MARCHF1: variants seen among roughly 807,000 people sequenced by gnomAD.
MARCHF1 encodes membrane associated ring-CH-type finger 1, also known as E3 ubiquitin-protein ligase MARCHF1.
Under a neutral mutation model 54.2 loss-of-function variants are expected in MARCHF1, and 40 were observed. That is an observed-to-expected ratio of 0.74 (90% CI 0.57 to 0.96). The LOEUF (loss-of-function observed/expected upper bound fraction) is 0.96, where lower values mean the gene tolerates loss of function less well. MARCHF1 is among the 40% of genes least tolerant of loss of function. MARCHF1 has a pLI of 0.00. For synonymous variants in MARCHF1, 236 were observed against 236.3 expected, an observed-to-expected ratio of 1.00 and a Z score of 0.01; for missense variants, 586 against 656.5, an observed-to-expected ratio of 0.89 and a Z score of 1.17.
chr4:164,079,808 T>C (rs1200064501), intron 2 of MARCHF1, among the ~76,000 whole-genome samples: 2 of 152,154 alleles, frequency 1.3e-5, no homozygotes, highest in Non-Finnish European at 2.9e-5. Flanking sequence ...CTAAAAGACG[T>C]AGTTATTTGC....
intron 8 of MARCHF1, among the ~76,000 whole-genome samples, chr4:163,559,096 C>A (rs1739387231): frequency 6.6e-6 from 1 of 152,168 alleles, no homozygotes; most frequent in Non-Finnish European, 1.5e-5. Context: ...CTATAGCCCC[C>A]TTCCCTTCAG....
intron 9 of MARCHF1, among the ~76,000 whole-genome samples, chr4:163,539,715 A>G (rs1738664105): frequency 6.6e-6 from 1 of 152,224 alleles, no homozygotes; most frequent in African/African-American, 2.4e-5. Flanking sequence ...TCTTGCAGTT[A>G]CAATTCCCTT....
chr4:163,633,554 TA>T (rs1184692019), intron 5 of MARCHF1, among the ~76,000 whole-genome samples: 4 of 151,872 alleles, frequency 2.6e-5, no homozygotes, highest in African/African-American at 9.7e-5. Flanking sequence ...GAAAAAAGAA[TA>T]AAAAGAAATG....
chr4:164,334,850 T>C (rs1391984029), intron 1 of MARCHF1, among the ~76,000 whole-genome samples: 2 of 152,212 alleles, frequency 1.3e-5, no homozygotes, highest in Non-Finnish European at 2.9e-5. Context: ...AATATCAACA[T>C]TAACAGGAGT....
chr4:163,727,219 T>C (rs1012493185), intron 4 of MARCHF1, among the ~76,000 whole-genome samples: 10 of 152,216 alleles, frequency 6.6e-5, no homozygotes, highest in Non-Finnish European at 1.0e-4. Context: ...AAAATAATTT[T>C]ATGGTTTTGT....
chr4:163,715,651 A>G (rs1745233798), intron 4 of MARCHF1, among the ~76,000 whole-genome samples: 1 of 152,168 alleles, frequency 6.6e-6, no homozygotes, highest in Non-Finnish European at 1.5e-5. Flanking sequence ...GAGATCCAAT[A>G]TATGTACATA....
chr4:164,175,796 C>T (rs2110991564), intron 1 of MARCHF1, among the ~76,000 whole-genome samples: 1 of 152,298 alleles, frequency 6.6e-6, no homozygotes, highest in East Asian at 1.9e-4. Flanking sequence ...GCTTCTTAGC[C>T]CCAGTAATCA....
At chr4:164,353,835 G>A (rs1730427079) in intron 1 of MARCHF1, among the ~76,000 whole-genome samples, 1 of 142,850 alleles carries the variant, frequency 7.0e-6, no homozygotes, top group East Asian at 2.1e-4. Context: ...CTGGTTTTTT[G>A]AAAGGATCAA....
At chr4:164,286,669 A>G (rs1734153483) in intron 1 of MARCHF1, among the ~76,000 whole-genome samples, 1 of 150,616 alleles carries the variant, frequency 6.6e-6, no homozygotes, top group Non-Finnish European at 1.5e-5. Flanking sequence ...GAGCTTCTGG[A>G]AGTGCTTAGG....
intron 2 of MARCHF1, among the ~76,000 whole-genome samples, chr4:164,019,983 A>G (rs1453603587): frequency 6.6e-6 from 1 of 152,214 alleles, no homozygotes; most frequent in African/African-American, 2.4e-5. Flanking sequence ...TTTTTAATTC[A>G]AAAGTCCTCC....
intron 2 of MARCHF1, among the ~76,000 whole-genome samples, chr4:164,061,292 T>C (rs1754609611): frequency 6.6e-6 from 1 of 152,096 alleles, no homozygotes; most frequent in African/African-American, 2.4e-5. Flanking sequence ...ACTTTGCTTC[T>C]GAATTACAGC....
chr4:164,360,768 T>C (rs1315757731), intron 1 of MARCHF1, among the ~76,000 whole-genome samples: 1 of 152,070 alleles, frequency 6.6e-6, no homozygotes, highest in Non-Finnish European at 1.5e-5. Context: ...GCAATTGTCA[T>C]TTTCATATAT....
chr4:163,528,774 C>G lies in MARCHF1; in HGVS notation c.1612G>C (p.Gly538Arg). The G allele has an allele frequency of 6.2e-7, 1 of 1,612,306 alleles. No homozygotes were observed. Among genetic ancestry groups the G allele is most frequent in the Non-Finnish European group, 8.5e-7 (1 of 1,178,868 alleles). The change falls in exon 10 of 10, where the codon GGC becomes CGC. Residue 538 changes from glycine to arginine, a missense_variant. Physicochemically the swap from Gly to Arg is moderately radical, Grantham distance 125. This residue lies in a region of MARCHF1 where 106 missense variants were observed against 93.8 expected (regional missense o/e 1.13). Transcript: ENST00000514618. ...CAGACTGATACAACTTCAGGGGGGC[C>G]ACCCTCTGCAGATGGCAGTGAATTT... ...GANSLPSAEG[G>R]PPEVVSV
chr4:164,194,674 A>AT (rs1731206666), intron 1 of MARCHF1, among the ~76,000 whole-genome samples: 1 of 152,132 alleles, frequency 6.6e-6, no homozygotes, highest in Non-Finnish European at 1.5e-5. Context: ...CATTTAATGG[A>AT]TTTTCAAAAG....
chr4:164,340,635 C>G (rs1218075284), intron 1 of MARCHF1, among the ~76,000 whole-genome samples: 1 of 151,472 alleles, frequency 6.6e-6, no homozygotes, highest in Non-Finnish European at 1.5e-5. Flanking sequence ...ATTGGCCAGG[C>G]TGGTCTCAAA....
chr4:164,021,037 C>G (rs1426182929), intron 2 of MARCHF1, among the ~76,000 whole-genome samples: 3 of 150,180 alleles, frequency 2.0e-5, no homozygotes, highest in African/African-American at 7.3e-5. Flanking sequence ...AGTGTAAAGA[C>G]CATGGAATCT....
rs189713307 is a variant in MARCHF1 at position 163,789,471 on chromosome 4, A to G, written c.111+64550T>C. On this transcript the variant is annotated intron_variant, in intron 4 of 9. Transcript: ENST00000514618. ...ATGACACACATTTACCTATGTAACA[A>G]CCTGCACTTGCACCCCTGAACTTAA... Among the ~76,000 whole-genome samples, 373 of 152,086 alleles carry G rather than the reference A, an allele frequency of 2.5e-3. 7 individuals carry two copies. Among genetic ancestry groups the G allele is most frequent in the Non-Finnish European group, 1.0e-3 (68 of 67,948 alleles).
At chr4:163,710,891 TAA>T (rs945254232) in intron 4 of MARCHF1, among the ~76,000 whole-genome samples, 7 of 152,140 alleles carry the variant, frequency 4.6e-5, no homozygotes, top group African/African-American at 1.7e-4. Context: ...AAGCAATATA[TAA>T]AGTCAGGTTG....
chr4:163,561,804 G>C (rs542255695), intron 8 of MARCHF1, among the ~76,000 whole-genome samples: 3 of 151,876 alleles, frequency 2.0e-5, no homozygotes, highest in Non-Finnish European at 4.4e-5. Flanking sequence ...TTTGCTCATC[G>C]TACTGATGTT....
Sources: gnomAD v4.1 joint callset for allele counts (sites outside exome capture counted in the v4.1 genomes callset) on GRCh38, gnomAD v4.1.1 for gene constraint, gnomAD v4.1.1 regional missense constraint, MANE v1.5 for transcripts, NCBI Gene and HGNC (gene_info 2026-07-23, HGNC 2026-07-21) for gene names.